The following DOCK6 variants were observed in gnomAD, a reference collection of about 807,000 sequenced individuals.
DOCK6 encodes the protein dedicator of cytokinesis 6, also known as dedicator of cytokinesis protein 6.
In DOCK6, 167 loss-of-function variants were observed where a neutral mutation model predicts 230.3. The ratio of observed to expected loss-of-function variants is 0.73; its 90% CI spans 0.64 to 0.82. The LOEUF (loss-of-function observed/expected upper bound fraction) is 0.82, where lower values mean the gene tolerates loss of function less well. Ranked by LOEUF, DOCK6 falls within the 40% of genes least tolerant of loss-of-function variation. DOCK6 has a pLI of 0.00. For synonymous variants in DOCK6, 1,148 were observed against 1,185.0 expected, an observed-to-expected ratio of 0.97 and a Z score of 0.64; for missense variants, 2,598 against 2,825.8, an observed-to-expected ratio of 0.92 and a Z score of 1.83.
rs559375591 is a variant in DOCK6 at position 11,229,199 on chromosome 19, C to T, written c.2719-164G>A. ...GGAGTGGAAGTGCCCTTTCCCTGGG[C>T]TCGCCAGACCCCCCTGGACTCTGGA... On this transcript the variant is annotated intron_variant, in intron 22 of 47. Coordinates refer to ENST00000294618, the MANE Select transcript of DOCK6 (RefSeq NM_020812.4). The T allele has an allele frequency of 3.0e-5, 38 of 1,280,388 alleles. 1 individual carries two copies. The South Asian group carries it at 5.7e-4, about 19-fold the overall frequency. The allele number at this position is 1,280,388 out of a possible 1,614,324, so 79.3% of individuals were successfully genotyped here.
At chr19:11,217,801 A>G (rs567537670) in intron 28 of DOCK6, among the ~76,000 whole-genome samples, 76 of 151,730 alleles carry the variant, frequency 5.0e-4, no homozygotes, top group East Asian at 3.1e-3. Flanking sequence ...ACAGTCCCCA[A>G]GAGTGGGTTT....
chr19:11,222,756 A>C lies in DOCK6; in HGVS notation c.3219T>G (p.Ser1073=), dbSNP rs1234416617. Residue 1073 remains serine, a synonymous_variant, in exon 26 of 48, where the codon TCT becomes TCG. Transcript: ENST00000294618. The surrounding 1 kb of genome is among the most constrained non-coding windows in gnomAD (Gnocchi z 4.0). ...CCACCTGGGAGGTGGTGGAGGACAC[A>C]GAGGGGGAGGGCGAGGCTGGAGGTG... ...PLSPPASPSP[S]VSSTTSQSST... The C allele has an allele frequency of 3.8e-6, 6 of 1,577,252 alleles. No individual in the cohort carries two copies. The highest frequency in any genetic ancestry group is 5.2e-6 in the Non-Finnish European group (6 of 1,161,620).
intron 24 of DOCK6, among the ~76,000 whole-genome samples, chr19:11,224,856 A>G (rs2079639383): frequency 6.6e-6 from 1 of 151,774 alleles, no homozygotes; most frequent in South Asian, 2.1e-4. Flanking sequence ...CAGGGTCAGG[A>G]GTTTGAGATC....
At chr19:11,213,589 G>GT (rs1430236429) in intron 34 of DOCK6, among the ~76,000 whole-genome samples, 3 of 151,658 alleles carry the variant, frequency 2.0e-5, no homozygotes, top group East Asian at 1.9e-4. Flanking sequence ...AGAGCACACA[G>GT]TAAGTGCTCA....
Position 11,245,896 on chromosome 19 carries a change from G to A in DOCK6, c.807-18C>T, listed in dbSNP as rs1420532006. 6.4e-7 allele frequency: 1 copy of A among 1,554,774 alleles called. No homozygotes were observed. Among genetic ancestry groups the A allele is most frequent in the Non-Finnish European group, 8.7e-7 (1 of 1,148,644 alleles). Reference sequence around the variant, plus strand: ...TCTCGAACCTACAAGTAAATGGGAGGGAGGGGGCTCTCCTTAACACTTCCC... The same window carrying A: ...TCTCGAACCTACAAGTAAATGGGAGAGAGGGGGCTCTCCTTAACACTTCCC... On this transcript the variant is annotated intron_variant, in intron 7 of 47. Transcript: ENST00000294618.
chr19:11,235,949 C>G (rs575298998), intron 20 of DOCK6, 190 bp from the exon 21 acceptor site: 1 of 696,364 alleles, frequency 1.4e-6, no homozygotes, highest in Non-Finnish European at 2.1e-6. Flanking sequence ...GGCATGATCT[C>G]GGCTCACTGT....
intron 3 of DOCK6, 94 bp from the exon 4 acceptor site, chr19:11,252,644 C>T: frequency 6.3e-7 from 1 of 1,597,630 alleles, no homozygotes; most frequent in South Asian, 1.1e-5. Flanking sequence ...CTATTCCAGA[C>T]AAGGGGAGAT....
chr19:11,227,751 A>G lies in DOCK6; in HGVS notation c.2815-274T>C, dbSNP rs542374404. 3.7e-4 allele frequency among the ~76,000 whole-genome samples: 56 copies of G among 152,120 alleles called. No individual in the cohort carries two copies. In the East Asian group the frequency reaches 0.01, roughly 28 times the overall value. ...TGTGACCTATGGATGGGGCTTAAGA[A>G]AGCCGTGGGCAGATCCTGTGAGCAT... On this transcript the variant is annotated intron_variant, in intron 23 of 47. Coordinates refer to ENST00000294618, the MANE Select transcript of DOCK6 (RefSeq NM_020812.4).
At chr19:11,219,729 G>A (rs1015228903) in intron 28 of DOCK6, among the ~76,000 whole-genome samples, 7 of 150,902 alleles carry the variant, frequency 4.6e-5, no homozygotes, top group Non-Finnish European at 2.9e-5. Context: ...GGCAGAGCTT[G>A]CAGTGAGCCG....
chr19:11,243,506 T>A lies in DOCK6; in HGVS notation c.1258+51A>T. ...GCCCCGTAGCCCCGCCCCAGGCCTG[T>A]CAGCACCACCCTTTAGCCCCGCCCC... On this transcript the variant is annotated intron_variant, in intron 11 of 47. Transcript: ENST00000294618. This position sits in a 1 kb window ranked among gnomAD's most constrained non-coding sequence, Gnocchi z 6.3. The A allele has an allele frequency of 6.4e-7, 1 of 1,552,646 alleles. No homozygotes were observed. Among genetic ancestry groups the A allele is most frequent in the Non-Finnish European group, 8.7e-7 (1 of 1,149,864 alleles).
chr19:11,199,530 CAAG>C lies in DOCK6; in HGVS notation c.6108_6110del (p.Leu2037del), dbSNP rs376373663. On this transcript the variant is annotated inframe_deletion, in exon 48 of 48. Coordinates refer to ENST00000294618, the MANE Select transcript of DOCK6 (RefSeq NM_020812.4). ...CTGCCTTTCGGAAACTTGCTCTGTT[CAAG>C]GAGTTCCTGGAAAAAGAATGAGGGT... 8.9e-6 allele frequency: 14 copies of C among 1,580,560 alleles called. No homozygotes were observed. In the African/African-American group the frequency reaches 1.3e-4, roughly 15 times the overall value.
intron 21 of DOCK6, 105 bp from the exon 22 acceptor site, chr19:11,233,471 C>T (rs1045418211): frequency 1.8e-5 from 25 of 1,352,768 alleles, no homozygotes; most frequent in Middle Eastern, 1.9e-4. Context: ...CTTCTCTGAG[C>T]CTCTAAGTTC....
rs763921392 is a variant in DOCK6 at position 11,199,444 on chromosome 19, C to G, written c.*53G>C. The stretch of plus-strand genomic sequence containing the variant: ...GGGCAGACTCCCCTCGCAGCACAGA[C>G]AGCTGAGGCCCGGGTGCTGGTTCCT... On this transcript the variant is annotated 3_prime_UTR_variant, in exon 48 of 48. Coordinates refer to ENST00000294618, the MANE Select transcript of DOCK6 (RefSeq NM_020812.4). The G allele has an allele frequency of 1.3e-6, 2 of 1,552,560 alleles. No individual in the cohort carries two copies. The highest frequency in any genetic ancestry group is 2.4e-5 in the South Asian group (2 of 84,162).
rs550731142 is a variant in DOCK6, at chr19:11,222,983, CCA to C, written c.3069+8_3069+9del. On this transcript the variant is annotated splice_region_variant and intron_variant, in intron 25 of 47. Coordinates refer to ENST00000294618, the MANE Select transcript of DOCK6 (RefSeq NM_020812.4). This position sits in a 1 kb window ranked among gnomAD's most constrained non-coding sequence, Gnocchi z 4.0. ...CATGCCATGCCCACCCTGCCCACGC[CCA>C]CTCCTACCTGCTTGTAGTGGGCCCG... is the stretch of plus-strand genomic sequence containing the variant. 9.3e-6 allele frequency: 15 copies of C among 1,613,788 alleles called. No homozygotes were observed. In the South Asian group the frequency reaches 9.9e-5, roughly 11 times the overall value.
chr19:11,239,726 C>CA, intron 14 of DOCK6: 1 of 1,613,432 alleles, frequency 6.2e-7, no homozygotes, highest in Non-Finnish European at 8.5e-7. Flanking sequence ...CCAGAACTGG[C>CA]ACAGCATGAG....
intron 24 of DOCK6, among the ~76,000 whole-genome samples, chr19:11,226,689 G>A (rs373236042): frequency 6.6e-6 from 1 of 152,092 alleles, no homozygotes; most frequent in Admixed American, 6.6e-5. Flanking sequence ...AAAATGATAC[G>A]ATCCACATAA....
Position 11,211,885 on chromosome 19 carries a change from G to A in DOCK6, c.4651-9C>T, listed in dbSNP as rs370673530. 61 of 1,554,956 alleles carry A rather than the reference G, an allele frequency of 3.9e-5. No individual in the cohort carries two copies. The African/African-American group carries it at 5.4e-4, about 14-fold the overall frequency. On this transcript the variant is annotated splice_polypyrimidine_tract_variant and intron_variant, in intron 36 of 47. Transcript: ENST00000294618. Reference sequence around the variant, plus strand: ...AACATCAGGTCCTGGACCTGGAGCCGGGGAACGTCCAGGGGCCAATGAGAG... The same window carrying A: ...AACATCAGGTCCTGGACCTGGAGCCAGGGAACGTCCAGGGGCCAATGAGAG...
chr19:11,247,067 T>C (rs1056440304), intron 7 of DOCK6, among the ~76,000 whole-genome samples: 3 of 152,152 alleles, frequency 2.0e-5, no homozygotes, highest in Admixed American at 6.6e-5. Flanking sequence ...GGTCATCGCA[T>C]GGTTATGTGT....
Position 11,238,174 on chromosome 19 carries a change from C to T in DOCK6, c.1761+13G>A. 1.9e-6 allele frequency: 3 copies of T among 1,613,726 alleles called. No homozygotes were observed. The highest frequency in any genetic ancestry group is 2.5e-6 in the Non-Finnish European group (3 of 1,179,686). On this transcript the variant is annotated intron_variant, in intron 15 of 47. Coordinates refer to ENST00000294618, the MANE Select transcript of DOCK6 (RefSeq NM_020812.4). ...GATGCCCTACCCCCCTTCCCTGGGG[C>T]ACAGCCACTGACCGGCAGAGCCTGG...
Sources: allele counts gnomAD v4.1 joint callset (sites outside exome capture counted in the v4.1 genomes callset), GRCh38; gene constraint gnomAD v4.1.1; non-coding constraint Gnocchi (gnomAD v3.1); transcripts MANE v1.5; gene names NCBI Gene and HGNC (gene_info 2026-07-23, HGNC 2026-07-21).